RERE: variants seen among roughly 807,000 people sequenced by gnomAD.
The protein encoded by RERE is arginine-glutamic acid dipeptide repeats, also known as arginine-glutamic acid dipeptide repeats protein.
RERE carries 40 observed loss-of-function variants against 146.1 expected under a neutral mutation model. The ratio of observed to expected loss-of-function variants is 0.27; its 90% CI spans 0.21 to 0.36. The LOEUF (loss-of-function observed/expected upper bound fraction) is 0.36, where lower values mean the gene tolerates loss of function less well. Ranked by LOEUF, RERE falls within the 10% of genes least tolerant of loss-of-function variation. The probability of loss-of-function intolerance (pLI) is 1.00; values close to 1 mark genes in which losing one functional copy is unlikely to be tolerated. For synonymous variants in RERE, 1,003 were observed against 866.0 expected, an observed-to-expected ratio of 1.16 and a Z score of -2.78; for missense variants, 1,933 against 2,138.7, an observed-to-expected ratio of 0.90 and a Z score of 1.90.
intron 4 of RERE, among the ~76,000 whole-genome samples, chr1:8,613,016 G>A (rs1646810648): frequency 1.3e-5 from 2 of 152,116 alleles, no homozygotes; most frequent in Admixed American, 1.3e-4. Context: ...AACGTGTTAT[G>A]CTGTTGCAAC....
chr1:8,611,274 T>A (rs1359362241), intron 4 of RERE, among the ~76,000 whole-genome samples: 4 of 151,962 alleles, frequency 2.6e-5, no homozygotes, highest in African/African-American at 9.7e-5. Context: ...GAAGCCAAGA[T>A]GAGAGGATCA....
chr1:8,421,007 G>A (rs560847294), intron 12 of RERE, among the ~76,000 whole-genome samples: 7 of 152,276 alleles, frequency 4.6e-5, no homozygotes, highest in Admixed American at 2.6e-4. Flanking sequence ...CTTCCACTAC[G>A]GAGATAAAAC....
At chr1:8,762,786 C>A (rs2124533216) in intron 1 of RERE, among the ~76,000 whole-genome samples, 1 of 152,298 alleles carries the variant, frequency 6.6e-6, no homozygotes, top group African/African-American at 2.4e-5. Context: ...GATGTTTCCA[C>A]CATAAGGTCA....
chr1:8,693,093 C>T (rs1639244117), intron 1 of RERE, among the ~76,000 whole-genome samples: 1 of 152,066 alleles, frequency 6.6e-6, no homozygotes, highest in African/African-American at 2.4e-5. Context: ...CTGACAACAC[C>T]AAATGGTAGC....
chr1:8,369,952 C>A (rs1430984884), intron 12 of RERE, among the ~76,000 whole-genome samples: 2 of 151,926 alleles, frequency 1.3e-5, no homozygotes, highest in Non-Finnish European at 2.9e-5. Context: ...ACCAGCCCGG[C>A]TAATTTTTTT....
chr1:8,426,529 T>C (rs1644015752), intron 11 of RERE, among the ~76,000 whole-genome samples: 1 of 151,806 alleles, frequency 6.6e-6, no homozygotes, highest in African/African-American at 2.4e-5. Flanking sequence ...CAGACCTTTA[T>C]CTCTCTTTCC....
intron 8 of RERE, among the ~76,000 whole-genome samples, chr1:8,498,085 G>A (rs1645069745): frequency 6.6e-6 from 1 of 152,252 alleles, no homozygotes; most frequent in Non-Finnish European, 1.5e-5. Context: ...TTGAGGCCAG[G>A]CCTGGTGGCT....
intron 1 of RERE, among the ~76,000 whole-genome samples, chr1:8,812,397 G>A (rs976867062): frequency 1.3e-5 from 2 of 152,052 alleles, no homozygotes; most frequent in Non-Finnish European, 2.9e-5. Context: ...CTGTAATCCC[G>A]GCCCTTTAGG....
At chr1:8,416,159 TG>T (rs1443055316) in intron 12 of RERE, among the ~76,000 whole-genome samples, 18 of 152,222 alleles carry the variant, frequency 1.2e-4, no homozygotes, top group African/African-American at 4.3e-4. Context: ...AAATAGAATC[TG>T]GCAAGGTCTA....
intron 1 of RERE, among the ~76,000 whole-genome samples, chr1:8,684,356 T>C (rs1368188833): frequency 6.6e-6 from 1 of 152,070 alleles, no homozygotes; most frequent in African/African-American, 2.4e-5. Context: ...AAAGCTAGTA[T>C]CATGAAGCCA....
intron 1 of RERE, chr1:8,786,605 G>C (rs971703575): frequency 1.3e-6 from 1 of 767,760 alleles, no homozygotes; most frequent in African/African-American, 1.7e-5. Flanking sequence ...TAAAGGCGAA[G>C]AAGCTGCAAC....
chr1:8,381,360 G>A (rs1351372657), intron 12 of RERE, among the ~76,000 whole-genome samples: 5 of 151,914 alleles, frequency 3.3e-5, no homozygotes, highest in Non-Finnish European at 4.4e-5. Flanking sequence ...ATGGGTGCTC[G>A]GGAAACGCTA....
Position 8,619,344 on chromosome 1 carries a change from C to T in RERE, c.397-4658G>A, listed in dbSNP as rs566190331. 5.9e-5 allele frequency among the ~76,000 whole-genome samples: 9 copies of T among 152,274 alleles called. No individual in the cohort carries two copies. The East Asian group carries it at 7.7e-4, about 13-fold the overall frequency. ...TCTGTATCTGGCTTAACTTTAAGGA[C>T]AATTTTCCAAGTTTTAATAAAACAG... is the stretch of plus-strand genomic sequence containing the variant. On this transcript the variant is annotated intron_variant, in intron 3 of 22. Coordinates refer to ENST00000400908, the MANE Select transcript of RERE (RefSeq NM_001042681.2).
chr1:8,373,642 G>A (rs1047530050), intron 12 of RERE, among the ~76,000 whole-genome samples: 8 of 152,150 alleles, frequency 5.3e-5, no homozygotes, highest in Non-Finnish European at 8.8e-5. Context: ...TGCATGCGAC[G>A]CTGTCCCCTG....
intron 1 of RERE, among the ~76,000 whole-genome samples, chr1:8,705,318 C>A (rs544957812): frequency 9.9e-5 from 15 of 152,150 alleles, no homozygotes; most frequent in Non-Finnish European, 1.5e-4. Flanking sequence ...CCCAGCCCCC[C>A]ACTTTGCAGT....
intron 1 of RERE, among the ~76,000 whole-genome samples, chr1:8,804,995 T>TG (rs1222158335): frequency 2.1e-5 from 3 of 143,918 alleles, no homozygotes; most frequent in African/African-American, 7.8e-5. Flanking sequence ...TTTTTTGTTT[T>TG]GTTTTGTTTT....
At chr1:8,531,463 C>T (rs1645653293) in intron 7 of RERE, among the ~76,000 whole-genome samples, 1 of 151,366 alleles carries the variant, frequency 6.6e-6, no homozygotes, top group South Asian at 2.1e-4. Context: ...AAAAACACAA[C>T]ACAAAACAAA....
intron 1 of RERE, among the ~76,000 whole-genome samples, chr1:8,741,091 G>C (rs1640298155): frequency 6.6e-6 from 1 of 152,044 alleles, no homozygotes; most frequent in Non-Finnish European, 1.5e-5. Flanking sequence ...TAATATACTG[G>C]GCTACAACCT....
At chr1:8,452,934 C>T (rs931938670) in intron 11 of RERE, among the ~76,000 whole-genome samples, 8 of 152,152 alleles carry the variant, frequency 5.3e-5, no homozygotes, top group Non-Finnish European at 8.8e-5. Flanking sequence ...CTAAGATGTT[C>T]AAACCAGTGG....
Sources: gnomAD v4.1 joint callset for allele counts (sites outside exome capture counted in the v4.1 genomes callset) on GRCh38, gnomAD v4.1.1 for gene constraint, MANE v1.5 for transcripts, NCBI Gene and HGNC (gene_info 2026-07-23, HGNC 2026-07-21) for gene names.